SLC14A2: variants seen among roughly 807,000 people sequenced by gnomAD.
SLC14A2 encodes urea transporter 2.
SLC14A2 carries 91 observed loss-of-function variants against 104.6 expected under a neutral mutation model. That is an observed-to-expected ratio of 0.87 (90% CI 0.73 to 1.04). The LOEUF is 1.04. Ranked by LOEUF, SLC14A2 falls within the 50% of genes least tolerant of loss-of-function variation. The pLI is 0.00. For missense variants in SLC14A2, 1,189 were observed against 1,156.0 expected (o/e 1.03, Z -0.41); for synonymous variants, 476 against 466.4 (o/e 1.02, Z -0.27).
intron 1 of SLC14A2, among the ~76,000 whole-genome samples, chr18:45,340,135 T>A (rs543598245): frequency 1.3e-5 from 2 of 152,334 alleles, no homozygotes; most frequent in African/African-American, 2.4e-5. Flanking sequence ...CACTTACCCA[T>A]CTATGGCCAG....
intron 2 of SLC14A2, among the ~76,000 whole-genome samples, chr18:45,568,908 A>G (rs2044306037): frequency 6.6e-6 from 1 of 152,214 alleles, no homozygotes; most frequent in Non-Finnish European, 1.5e-5. Context: ...TGTTTTGGAC[A>G]CTATGGAATT....
At chr18:45,433,869 T>C (rs1180779759) in intron 1 of SLC14A2, among the ~76,000 whole-genome samples, 2 of 152,148 alleles carry the variant, frequency 1.3e-5, no homozygotes, top group Non-Finnish European at 2.9e-5. Flanking sequence ...TTTCCTCTCC[T>C]GGAAGGGGGA....
intron 1 of SLC14A2, among the ~76,000 whole-genome samples, chr18:45,306,432 T>G (rs1240788000): frequency 1.3e-5 from 2 of 152,200 alleles, no homozygotes; most frequent in East Asian, 1.9e-4. Context: ...ATTCAGTCTC[T>G]GTCATAGCTA....
chr18:45,484,169 G>C (rs1167631004), intron 2 of SLC14A2, among the ~76,000 whole-genome samples: 30 of 152,194 alleles, frequency 2.0e-4, no homozygotes, highest in Non-Finnish European at 1.3e-4. Context: ...GGGACTCTGA[G>C]TTGTATGTTA....
intron 1 of SLC14A2, among the ~76,000 whole-genome samples, chr18:45,289,699 T>A (rs1465998410): frequency 6.6e-6 from 1 of 152,236 alleles, no homozygotes; most frequent in East Asian, 1.9e-4. Context: ...CCTAAAAACA[T>A]CCTTCTCCCT....
At chr18:45,222,355 C>T (rs139812313) in intron 1 of SLC14A2, among the ~76,000 whole-genome samples, 1 of 152,254 alleles carries the variant, frequency 6.6e-6, no homozygotes, top group Non-Finnish European at 1.5e-5. Flanking sequence ...CTGCATTTGG[C>T]GTGAGTCCTG....
intron 1 of SLC14A2, among the ~76,000 whole-genome samples, chr18:45,275,523 AT>A (rs2084693058): frequency 6.6e-6 from 1 of 152,208 alleles, no homozygotes; most frequent in South Asian, 2.1e-4. Flanking sequence ...AGTGCATAGG[AT>A]TTGGAAGGAA....
chr18:45,509,899 T>C (rs891605465), intron 2 of SLC14A2, among the ~76,000 whole-genome samples: 11 of 152,204 alleles, frequency 7.2e-5, no homozygotes, highest in Non-Finnish European at 1.6e-4. Context: ...GCTGGTTCCA[T>C]GTTAGAACCT....
chr18:45,618,294 A>G (rs947630002), intron 1 of SLC14A2, among the ~76,000 whole-genome samples: 3 of 152,200 alleles, frequency 2.0e-5, no homozygotes, highest in African/African-American at 7.2e-5. Context: ...AAATATATCA[A>G]TCCAACTAAT....
chr18:45,671,108 C>A (rs781695643), intron 16 of SLC14A2, among the ~76,000 whole-genome samples: 3 of 152,162 alleles, frequency 2.0e-5, no homozygotes, highest in Non-Finnish European at 4.4e-5. Context: ...CTTTTGGAGA[C>A]AAACTTGCTC....
At chr18:45,363,750 G>A (rs1042576379) in intron 1 of SLC14A2, among the ~76,000 whole-genome samples, 2 of 152,134 alleles carry the variant, frequency 1.3e-5, no homozygotes, top group Admixed American at 1.3e-4. Context: ...GGTGATGATG[G>A]GGAGGGGCTG....
chr18:45,576,432 C>T (rs565367418), intron 2 of SLC14A2, among the ~76,000 whole-genome samples: 24 of 152,088 alleles, frequency 1.6e-4, no homozygotes, highest in South Asian at 4.2e-4. Flanking sequence ...TACAGGCACA[C>T]GCCACCACGC....
At chr18:45,454,051 G>C (rs756051432) in intron 1 of SLC14A2, among the ~76,000 whole-genome samples, 4 of 151,762 alleles carry the variant, frequency 2.6e-5, no homozygotes, top group Non-Finnish European at 4.4e-5. Flanking sequence ...GTAGAGACAG[G>C]GTTTCACCAT....
In SLC14A2 at chr18:45,644,144, A is replaced by C; in HGVS notation, c.1335A>C (p.Glu445Asp). The C allele has an allele frequency of 6.2e-7, 1 of 1,614,230 alleles. No individual in the cohort carries two copies. The highest frequency in any genetic ancestry group is 1.3e-5 in the African/African-American group (1 of 75,070). ...ACCTGACAGTGAAAAGCGGTGAAGA[A>C]GAGAAGGCCCCCAGCGGTGAATAGC... Reference protein sequence around the residue: ...IYYLTVKSGEEEKAPSGGGGE... With the variant: ...IYYLTVKSGEDEKAPSGGGGE... Residue 445 changes from glutamate to aspartate, a missense_variant, in exon 10 of 20, where the codon GAA becomes GAC. Glu to Asp is a conservative substitution (Grantham distance 45). Transcript: ENST00000255226.
At chr18:45,255,087 T>C (rs1012037769) in intron 1 of SLC14A2, among the ~76,000 whole-genome samples, 1 of 152,130 alleles carries the variant, frequency 6.6e-6, no homozygotes, top group Non-Finnish European at 1.5e-5. Context: ...CATACTCACT[T>C]CCATTTCCTG....
chr18:45,533,608 G>GC (rs1206021425), intron 2 of SLC14A2, among the ~76,000 whole-genome samples: 1 of 152,034 alleles, frequency 6.6e-6, no homozygotes, highest in African/African-American at 2.4e-5. Flanking sequence ...TATTAGTCTT[G>GC]CTAGTGGTCT....
intron 1 of SLC14A2, among the ~76,000 whole-genome samples, chr18:45,321,927 G>T (rs1283279745): frequency 6.6e-6 from 1 of 152,188 alleles, no homozygotes; most frequent in African/African-American, 2.4e-5. Flanking sequence ...GACTTGGGCA[G>T]TCTGACATTT....
intron 2 of SLC14A2, among the ~76,000 whole-genome samples, chr18:45,487,872 G>A (rs2087639666): frequency 6.6e-6 from 1 of 152,190 alleles, no homozygotes; most frequent in Non-Finnish European, 1.5e-5. Flanking sequence ...GTGTTGGGGA[G>A]AATTGCTGGT....
At chr18:45,576,972 A>G (rs2044426391) in intron 2 of SLC14A2, among the ~76,000 whole-genome samples, 1 of 152,126 alleles carries the variant, frequency 6.6e-6, no homozygotes, top group Admixed American at 6.5e-5. Flanking sequence ...AGTTTGAATA[A>G]TTTCAGCAGG....
Sources: gnomAD v4.1 joint callset for allele counts (sites outside exome capture counted in the v4.1 genomes callset) on GRCh38, gnomAD v4.1.1 for gene constraint, MANE v1.5 for transcripts, NCBI Gene and HGNC (gene_info 2026-07-23, HGNC 2026-07-21) for gene names.